SYT1: variants seen among roughly 807,000 people sequenced by gnomAD.
The protein encoded by SYT1 is synaptotagmin 1, also known as synaptotagmin-1.
In SYT1, 8 loss-of-function variants were observed where a neutral mutation model predicts 44.8. That is an observed-to-expected ratio of 0.18 (90% CI 0.10 to 0.32). SYT1 has a LOEUF of 0.32. Ranked by LOEUF, SYT1 falls within the 10% of genes least tolerant of loss-of-function variation. SYT1 has a pLI of 1.00. For synonymous variants in SYT1, 154 were observed against 188.8 expected, an observed-to-expected ratio of 0.82 and a Z score of 1.51; for missense variants, 286 against 509.3, an observed-to-expected ratio of 0.56 and a Z score of 4.22.
chr12:79,044,047 G>C (rs1873805457), intron 2 of SYT1, among the ~76,000 whole-genome samples: 2 of 152,034 alleles, frequency 1.3e-5, no homozygotes, highest in African/African-American at 2.4e-5. Flanking sequence ...TTTCTCTCTG[G>C]CTGCCCTTAA....
intron 1 of SYT1, among the ~76,000 whole-genome samples, chr12:78,964,567 T>C (rs900495740): frequency 6.6e-6 from 1 of 152,186 alleles, no homozygotes; most frequent in African/African-American, 2.4e-5. Context: ...ATGGTCACAA[T>C]TGAAATAGTG....
intron 8 of SYT1, 55 bp from the exon 9 acceptor site, chr12:79,353,447 A>T: frequency 7.8e-7 from 1 of 1,277,884 alleles, no homozygotes; most frequent in Non-Finnish European, 1.1e-6. Flanking sequence ...ATATGTTAAA[A>T]CTCTATTTAC....
At chr12:79,024,176 G>A (rs776488288) in intron 2 of SYT1, among the ~76,000 whole-genome samples, 17 of 151,610 alleles carry the variant, frequency 1.1e-4, no homozygotes, top group Non-Finnish European at 2.5e-4. Flanking sequence ...AGGAAATTGG[G>A]GCTGGAAATA....
At chr12:79,133,807 AGG>A (rs1169127590) in intron 3 of SYT1, among the ~76,000 whole-genome samples, 7 of 152,224 alleles carry the variant, frequency 4.6e-5, no homozygotes, top group African/African-American at 1.7e-4. Flanking sequence ...CGGTTTGGGA[AGG>A]AAAAAATTAT....
chr12:79,228,621 C>A (rs543369106), intron 4 of SYT1, among the ~76,000 whole-genome samples: 45 of 152,156 alleles, frequency 3.0e-4, no homozygotes, highest in Non-Finnish European at 5.1e-4. Flanking sequence ...CTCTTTTAAT[C>A]CTATTCCATG....
intron 3 of SYT1, among the ~76,000 whole-genome samples, chr12:79,173,760 GACCC>G (rs1371909357): frequency 6.6e-5 from 10 of 152,040 alleles, no homozygotes; most frequent in Non-Finnish European, 1.3e-4. Flanking sequence ...CTTCAAAAAG[GACCC>G]AGTTAACATT....
chr12:78,898,635 T>C (rs1178688489), intron 1 of SYT1, among the ~76,000 whole-genome samples: 2 of 152,192 alleles, frequency 1.3e-5, no homozygotes, highest in African/African-American at 2.4e-5. Context: ...TAGGACTGCA[T>C]TGCAACCTCA....
At chr12:79,306,844 G>T (rs1880420760) in intron 8 of SYT1, among the ~76,000 whole-genome samples, 1 of 152,126 alleles carries the variant, frequency 6.6e-6, no homozygotes, top group Admixed American at 6.6e-5. Context: ...AAAACAAAAG[G>T]AGAATGAGAA....
intron 4 of SYT1, among the ~76,000 whole-genome samples, chr12:79,270,160 T>G (rs1354088875): frequency 6.6e-6 from 1 of 152,216 alleles, no homozygotes; most frequent in East Asian, 1.9e-4. Context: ...TGAAAAAGAT[T>G]TTTTGTGCTA....
intron 1 of SYT1, among the ~76,000 whole-genome samples, chr12:78,965,798 G>C (rs1879738008): frequency 6.6e-6 from 1 of 152,086 alleles, no homozygotes; most frequent in Non-Finnish European, 1.5e-5. Context: ...TCTGGAATAG[G>C]CTTGGTGCAG....
chr12:78,906,258 G>A (rs558578633), intron 1 of SYT1, among the ~76,000 whole-genome samples: 2 of 152,120 alleles, frequency 1.3e-5, no homozygotes, highest in South Asian at 4.2e-4. Context: ...TTTTATTGTA[G>A]GCTTTTGTGT....
chr12:79,156,079 G>A (rs1870575370), intron 3 of SYT1, among the ~76,000 whole-genome samples: 1 of 152,156 alleles, frequency 6.6e-6, no homozygotes, highest in Non-Finnish European at 1.5e-5. Flanking sequence ...TATGCCAAGT[G>A]TGTTACATAT....
rs183861889 is a variant in SYT1 at position 79,236,144 on chromosome 12, C to T, written c.166+18459C>T. Among the ~76,000 whole-genome samples the T allele has an allele frequency of 1.1e-4, 17 of 152,262 alleles. No homozygotes were observed. In the East Asian group the frequency reaches 1.5e-3, roughly 14 times the overall value. On this transcript the variant is annotated intron_variant, in intron 4 of 10. Coordinates refer to ENST00000261205, the MANE Select transcript of SYT1 (RefSeq NM_005639.3). ...AGTCTCTTAGGAGGTGTTCCCACAA[C>T]GATTTTCCATTTATGGCCAGCCCAT...
At chr12:79,077,053 C>A (rs752652609) in intron 3 of SYT1, among the ~76,000 whole-genome samples, 22 of 152,172 alleles carry the variant, frequency 1.4e-4, no homozygotes, top group Non-Finnish European at 3.1e-4. Context: ...TTAGTGCAGG[C>A]TGCATCTCAG....
chr12:79,009,935 T>C (rs4842309), intron 2 of SYT1, among the ~76,000 whole-genome samples: 117,948 of 152,072 alleles, frequency 0.78, 46,804 homozygotes, highest in African/African-American at 0.94. Flanking sequence ...CTGTCACTGT[T>C]CTCTCTCCCA....
intron 2 of SYT1, among the ~76,000 whole-genome samples, chr12:79,010,694 C>G (rs2137569939): frequency 6.6e-6 from 1 of 152,280 alleles, no homozygotes; most frequent in African/African-American, 2.4e-5. Flanking sequence ...TCCTTCACTA[C>G]AGACTCATAA....
intron 8 of SYT1, among the ~76,000 whole-genome samples, chr12:79,347,387 C>A (rs1035673800): frequency 6.6e-6 from 1 of 152,140 alleles, no homozygotes; most frequent in Admixed American, 6.5e-5. Flanking sequence ...ATGATAAAAT[C>A]TCATCCTTGT....
intron 1 of SYT1, chr12:78,960,368 G>A (rs1273419944): frequency 1.3e-5 from 2 of 152,130 alleles, no homozygotes. Flanking sequence ...TTTCTTGAGT[G>A]AATAAGTAAA....
intron 1 of SYT1, among the ~76,000 whole-genome samples, chr12:78,921,527 C>T (rs914672253): frequency 6.6e-6 from 1 of 151,920 alleles, no homozygotes; most frequent in Non-Finnish European, 1.5e-5. Flanking sequence ...GTTGTATATG[C>T]TACAATTCCT....
Sources: gnomAD v4.1 joint callset for allele counts (sites outside exome capture counted in the v4.1 genomes callset) on GRCh38, gnomAD v4.1.1 for gene constraint, MANE v1.5 for transcripts, NCBI Gene and HGNC (gene_info 2026-07-23, HGNC 2026-07-21) for gene names.